Variants in CAST observed in about 807,000 individuals in gnomAD.
CAST encodes calpastatin, also known as MIR583 host.
CAST carries 76 observed loss-of-function variants against 119.6 expected under a neutral mutation model. The ratio of observed to expected loss-of-function variants is 0.64; its 90% confidence interval spans 0.53 to 0.77. The LOEUF is 0.77. Ranked by LOEUF, CAST falls within the 30% of genes least tolerant of loss-of-function variation. CAST has a pLI of 0.00. For synonymous variants in CAST, 319 were observed against 331.6 expected, an observed-to-expected ratio of 0.96 and a Z score of 0.41; for missense variants, 953 against 946.5, an observed-to-expected ratio of 1.01 and a Z score of -0.09.
chr5:96,501,532 C>A, the CAST span, among the ~76,000 whole-genome samples: 2 of 152,162 alleles, frequency 1.3e-5, no homozygotes, highest in African/African-American at 4.8e-5. Context: ...TATAAAAATT[C>A]TTCATTTGTG....
chr5:96,089,590 A>G, the CAST span, among the ~76,000 whole-genome samples: 3 of 152,208 alleles, frequency 2.0e-5, no homozygotes, highest in African/African-American at 4.8e-5. Flanking sequence ...TGTACTAGTT[A>G]ACAAAGAAGG....
At chr5:96,260,976 A>G in the CAST span, among the ~76,000 whole-genome samples, 5 of 152,304 alleles carry the variant, frequency 3.3e-5, no homozygotes. Flanking sequence ...GCTAAAGACT[A>G]ATGGAACCTG....
chr5:96,035,471 C>T, the CAST span, among the ~76,000 whole-genome samples: 1 of 151,770 alleles, frequency 6.6e-6, no homozygotes, highest in Non-Finnish European at 1.5e-5. Flanking sequence ...AAGGTTCTGA[C>T]CTAAATTATA....
At chr5:96,153,318 G>C in the CAST span, among the ~76,000 whole-genome samples, 1 of 151,676 alleles carries the variant, frequency 6.6e-6, no homozygotes, top group Non-Finnish European at 1.5e-5. Flanking sequence ...CCTCCTCACA[G>C]AGAGAGAGAG....
At chr5:96,330,197 T>C in the CAST span, among the ~76,000 whole-genome samples, 1 of 152,328 alleles carries the variant, frequency 6.6e-6, no homozygotes. Context: ...AAAGATGGTT[T>C]TTTAAAAAAC....
the CAST span, among the ~76,000 whole-genome samples, chr5:96,456,456 G>A: frequency 1.6e-4 from 25 of 152,114 alleles, no homozygotes; most frequent in East Asian, 2.5e-3. Context: ...ACTCCTCAGC[G>A]CCCACTCCCA....
At position 96,743,730 on chromosome 5, in the gene CAST, G is replaced by A. The variant is rs116956641; in HGVS notation, c.1200+974G>A. The A allele has an allele frequency of 1.0e-3, 1,649 of 1,601,264 alleles. 18 individuals are homozygous for A. In the East Asian group the frequency reaches 0.028, roughly 27 times the overall value. On this transcript the variant is annotated intron_variant, in intron 16 of 31. Transcript: ENST00000675179. ...CGCAGAGGAGCAAGAGAAGCAGTTC[G>A]TATCTTCCAGGACCAAGTAATGTAT...
chr5:96,027,901 A>G, the CAST span, among the ~76,000 whole-genome samples: 1 of 152,158 alleles, frequency 6.6e-6, no homozygotes, highest in African/African-American at 2.4e-5. Context: ...AGATGGAGAA[A>G]ATAAAGGTCT....
chr5:96,358,100 T>G, the CAST span, among the ~76,000 whole-genome samples: 1 of 152,176 alleles, frequency 6.6e-6, no homozygotes, highest in African/African-American at 2.4e-5. Flanking sequence ...TCTTCTAGAT[T>G]TTCTAGTTTA....
intron 1 of CAST, among the ~76,000 whole-genome samples, chr5:96,672,262 T>G (rs982288315): frequency 2.0e-5 from 3 of 152,200 alleles, no homozygotes; most frequent in African/African-American, 7.2e-5. Flanking sequence ...TGTGTCTGTA[T>G]GTATGCCTGT....
the CAST span, chr5:96,050,290 T>C: frequency 6.6e-6 from 1 of 151,856 alleles, no homozygotes; most frequent in African/African-American, 2.4e-5. Flanking sequence ...AATGGTGAAG[T>C]TTTGTTTGTT....
chr5:96,587,133 T>G (rs555125690), intron 1 of CAST, among the ~76,000 whole-genome samples: 2 of 152,284 alleles, frequency 1.3e-5, no homozygotes, highest in East Asian at 3.9e-4. Flanking sequence ...GAATTTTGTG[T>G]TCAGAAAACA....
chr5:96,644,847 G>A (rs926252459), intron 1 of CAST, among the ~76,000 whole-genome samples: 1 of 152,088 alleles, frequency 6.6e-6, no homozygotes, highest in Non-Finnish European at 1.5e-5. Flanking sequence ...GTAGTGGCAC[G>A]TGCCTGTAAT....
chr5:96,243,538 G>C, the CAST span, among the ~76,000 whole-genome samples: 1 of 151,972 alleles, frequency 6.6e-6, no homozygotes, highest in African/African-American at 2.4e-5. Context: ...TTTACTTTAA[G>C]TACTGCTATA....
the CAST span, among the ~76,000 whole-genome samples, chr5:96,166,936 G>T: frequency 6.6e-6 from 1 of 152,150 alleles, no homozygotes; most frequent in East Asian, 1.9e-4. Context: ...TGCTTCCAGT[G>T]GGATTACGAG....
the CAST span, among the ~76,000 whole-genome samples, chr5:95,999,809 A>T: frequency 1.3e-5 from 2 of 152,240 alleles, no homozygotes; most frequent in East Asian, 3.9e-4. Flanking sequence ...TTTATGTTTA[A>T]CTTTTTGAGA....
the CAST span, among the ~76,000 whole-genome samples, chr5:96,089,329 T>A: frequency 2.6e-5 from 4 of 152,268 alleles, no homozygotes; most frequent in African/African-American, 9.6e-5. Context: ...ATGCACATAC[T>A]CTTGAGGGAG....
chr5:96,682,446 CT>C (rs1465950249), intron 2 of CAST, among the ~76,000 whole-genome samples: 1 of 152,234 alleles, frequency 6.6e-6, no homozygotes, highest in Non-Finnish European at 1.5e-5. Flanking sequence ...ATCTATAGCT[CT>C]TTACTCCATT....
chr5:96,729,230 C>G lies in CAST; in HGVS notation c.435+21C>G, dbSNP rs748008044. 3 of 1,429,578 alleles carry G rather than the reference C, an allele frequency of 2.1e-6. 1 individual carries two copies. In the South Asian group the frequency reaches 3.6e-5, roughly 17 times the overall value. 88.6% of individuals were successfully genotyped at this position (1,429,578 alleles called of 1,614,324 possible). Reference sequence around the variant, plus strand: ...CAGAGGTAAATGATTATCATCAGGACTTAATTATAAGGCAACCTCTTTTGG... The same window carrying G: ...CAGAGGTAAATGATTATCATCAGGAGTTAATTATAAGGCAACCTCTTTTGG... On this transcript the variant is annotated intron_variant, in intron 7 of 31. Coordinates refer to ENST00000675179, the MANE Select transcript of CAST (RefSeq NM_001750.7).
Sources: allele counts gnomAD v4.1 joint callset (sites outside exome capture counted in the v4.1 genomes callset), GRCh38; gene constraint gnomAD v4.1.1; transcripts MANE v1.5; gene names NCBI Gene and HGNC (gene_info 2026-07-23, HGNC 2026-07-21).